Variants in FUT9 observed in about 807,000 individuals in gnomAD.
FUT9 encodes 4-galactosyl-N-acetylglucosaminide 3-alpha-L-fucosyltransferase 9.
FUT9 carries 15 observed loss-of-function variants against 29.7 expected under a neutral mutation model. That is an observed-to-expected ratio of 0.51 (90% confidence interval 0.34 to 0.78). FUT9 has a LOEUF of 0.78. Among genes scored for constraint, FUT9 ranks in the 30% least tolerant of loss-of-function variants. The probability of loss-of-function intolerance (pLI) is 0.01; values close to 1 mark genes in which losing one functional copy is unlikely to be tolerated. For missense variants in FUT9, 319 were observed against 425.4 expected (o/e 0.75, Z 2.20); for synonymous variants, 169 against 153.7 (o/e 1.10, Z -0.74).
intron 1 of FUT9, among the ~76,000 whole-genome samples, chr6:96,084,891 G>A (rs372472369): frequency 6.6e-5 from 10 of 151,952 alleles, no homozygotes; most frequent in South Asian, 4.1e-4. Flanking sequence ...ACTATGTTTC[G>A]TGTGTGTCTA....
intron 1 of FUT9, among the ~76,000 whole-genome samples, chr6:96,028,203 A>C (rs2127925031): frequency 6.6e-6 from 1 of 151,590 alleles, no homozygotes; most frequent in South Asian, 2.1e-4. Context: ...AGAAAAATAG[A>C]GACAAATATT....
At chr6:96,126,954 A>T (rs962645145) in intron 2 of FUT9, among the ~76,000 whole-genome samples, 1 of 152,210 alleles carries the variant, frequency 6.6e-6, no homozygotes, top group Non-Finnish European at 1.5e-5. Context: ...AAAATAATTC[A>T]TGGAAAACTA....
At chr6:96,154,045 G>C (rs1416958985) in intron 2 of FUT9, among the ~76,000 whole-genome samples, 3 of 152,198 alleles carry the variant, frequency 2.0e-5, no homozygotes, top group East Asian at 3.8e-4. Flanking sequence ...ATATGAGTGA[G>C]AGGAAAAAGT....
rs34458314 is a variant in FUT9, at chr6:96,175,084, C to CT, written c.-8-28051dup. ...AATTAGGCATTAGCTAGATTGAAGACTTTTTTTTTTTTTCCTGGAGCTGGA... is the reference window on the plus strand; with the variant it reads ...AATTAGGCATTAGCTAGATTGAAGACTTTTTTTTTTTTTTCCTGGAGCTGGA... On this transcript the variant is annotated intron_variant, in intron 2 of 2. Transcript: ENST00000302103. Among the ~76,000 whole-genome samples the CT allele has an allele frequency of 3.9e-3, 567 of 145,180 alleles. 4 individuals carry two copies. The highest frequency in any genetic ancestry group is 6.4e-3 in the Admixed American group (92 of 14,448).
intron 1 of FUT9, among the ~76,000 whole-genome samples, chr6:96,073,978 C>T (rs550039902): frequency 7.2e-5 from 11 of 152,210 alleles, no homozygotes; most frequent in East Asian, 5.8e-4. Flanking sequence ...AGTATAACTA[C>T]GGCTTGTTTA....
intron 1 of FUT9, among the ~76,000 whole-genome samples, chr6:96,051,495 T>C (rs1052932869): frequency 1.3e-5 from 2 of 151,130 alleles, no homozygotes; most frequent in Non-Finnish European, 2.9e-5. Context: ...TAAAAAAAAA[T>C]GAAGAAAATT....
rs966354350 is a variant in FUT9 at position 96,208,360 on chromosome 6, C to A, written c.*4125C>A. On this transcript the variant is annotated 3_prime_UTR_variant, in exon 3 of 3. Coordinates refer to ENST00000302103, the MANE Select transcript of FUT9 (RefSeq NM_006581.4). ...GATCATATCTTTGAGTTCCCTTGAACTCTGATCTCATTTTGAGAAACATTT... is the reference window on the plus strand; with the variant it reads ...GATCATATCTTTGAGTTCCCTTGAAATCTGATCTCATTTTGAGAAACATTT... The A allele has an allele frequency of 1.1e-4, 18 of 166,648 alleles. No homozygotes were observed. Among genetic ancestry groups the A allele is most frequent in the Non-Finnish European group, 2.2e-4 (15 of 67,964 alleles). 10.3% of individuals were successfully genotyped at this position (166,648 alleles called of 1,614,324 possible).
intron 2 of FUT9, among the ~76,000 whole-genome samples, chr6:96,155,604 C>T (rs1475913282): frequency 2.0e-5 from 3 of 150,108 alleles, no homozygotes; most frequent in South Asian, 2.1e-4. Flanking sequence ...ACCTGGGAGG[C>T]GGAGCTTGCA....
At position 96,079,694 on chromosome 6, in the gene FUT9, G is replaced by T. The variant is rs76081391; in HGVS notation, c.-97-34345G>T. ...CCTATTGTTCTACAATATGTTTCTA[G>T]TGTAAAAAACATCACCTCCATCAGA... On this transcript the variant is annotated intron_variant, in intron 1 of 2. Coordinates refer to ENST00000302103, the MANE Select transcript of FUT9 (RefSeq NM_006581.4). Among the ~76,000 whole-genome samples the T allele has an allele frequency of 3.0e-4, 45 of 151,458 alleles. No individual in the cohort carries two copies. In the East Asian group the frequency reaches 7.9e-3, roughly 27 times the overall value.
At chr6:96,175,937 C>T (rs776051377) in intron 2 of FUT9, among the ~76,000 whole-genome samples, 10 of 152,196 alleles carry the variant, frequency 6.6e-5, no homozygotes, top group South Asian at 2.1e-4. Context: ...CTCTCACCAA[C>T]GTGACTGGGC....
At chr6:96,022,010 GT>G (rs1770078143) in intron 1 of FUT9, among the ~76,000 whole-genome samples, 1 of 151,956 alleles carries the variant, frequency 6.6e-6, no homozygotes, top group African/African-American at 2.4e-5. Flanking sequence ...CTTGTTGACT[GT>G]TTTATGAATA....
intron 1 of FUT9, among the ~76,000 whole-genome samples, chr6:96,058,011 A>G (rs1387413561): frequency 2.6e-5 from 4 of 152,056 alleles, no homozygotes; most frequent in Non-Finnish European, 4.4e-5. Flanking sequence ...TAAAAAGAAG[A>G]CACATGATCT....
At position 96,144,311 on chromosome 6, in the gene FUT9, G is replaced by C. The variant is rs144144185; in HGVS notation, c.-9+30184G>C. On this transcript the variant is annotated intron_variant, in intron 2 of 2. Coordinates refer to ENST00000302103, the MANE Select transcript of FUT9 (RefSeq NM_006581.4). Reference sequence around the variant, plus strand: ...ATAAAGAAGAGTAGTTATTCATTTAGGGAAATTGCTTGATCAGTGCTATGC... The same window carrying C: ...ATAAAGAAGAGTAGTTATTCATTTACGGAAATTGCTTGATCAGTGCTATGC... 1.1e-4 allele frequency among the ~76,000 whole-genome samples: 17 copies of C among 152,180 alleles called. No individual in the cohort carries two copies. In the East Asian group the frequency reaches 3.3e-3, roughly 29 times the overall value.
intron 1 of FUT9, among the ~76,000 whole-genome samples, chr6:96,081,262 A>T (rs1771232932): frequency 6.6e-6 from 1 of 150,688 alleles, no homozygotes; most frequent in African/African-American, 2.5e-5. Flanking sequence ...ATTTCTTGCA[A>T]TGATTCACAT....
intron 1 of FUT9, among the ~76,000 whole-genome samples, chr6:96,089,528 G>C (rs1343470120): frequency 1.3e-5 from 2 of 152,154 alleles, no homozygotes; most frequent in African/African-American, 4.8e-5. Context: ...ACTTCTTCTT[G>C]TTATTGTCAC....
chr6:96,122,069 A>G (rs1458667395), intron 2 of FUT9, among the ~76,000 whole-genome samples: 2 of 152,162 alleles, frequency 1.3e-5, no homozygotes, highest in Admixed American at 1.3e-4. Context: ...TCTGTGTTCA[A>G]TATTAGCTTG....
intron 2 of FUT9, among the ~76,000 whole-genome samples, chr6:96,166,437 T>TC (rs1773017588): frequency 6.6e-6 from 1 of 152,236 alleles, no homozygotes; most frequent in Non-Finnish European, 1.5e-5. Flanking sequence ...AATATGCTGC[T>TC]CTGAGTTCCT....
At chr6:96,154,205 G>A (rs549661067) in intron 2 of FUT9, among the ~76,000 whole-genome samples, 50 of 152,180 alleles carry the variant, frequency 3.3e-4, no homozygotes, top group Non-Finnish European at 6.5e-4. Flanking sequence ...GCTCCTTAAA[G>A]TTGGATATTA....
chr6:96,115,477 CA>C (rs1771893320), intron 2 of FUT9, among the ~76,000 whole-genome samples: 1 of 152,200 alleles, frequency 6.6e-6, no homozygotes, highest in African/African-American at 2.4e-5. Flanking sequence ...AGTAGATTCA[CA>C]AACCCAAATT....
Sources: allele counts gnomAD v4.1 joint callset (sites outside exome capture counted in the v4.1 genomes callset), GRCh38; gene constraint gnomAD v4.1.1; transcripts MANE v1.5; gene names NCBI Gene and HGNC (gene_info 2026-07-23, HGNC 2026-07-21).